The following RHOJ variants were observed in gnomAD, a reference collection of about 807,000 sequenced individuals.
RHOJ encodes rho-related GTP-binding protein RhoJ.
A neutral mutation model predicts 23.4 loss-of-function variants in RHOJ; 11 were observed. That is an observed-to-expected ratio of 0.47 (90% CI 0.30 to 0.78). RHOJ has a LOEUF of 0.78. RHOJ is among the 30% of genes least tolerant of loss of function. RHOJ has a pLI of 0.08. For synonymous variants in RHOJ, 102 were observed against 102.7 expected (o/e 0.99, Z 0.04); for missense variants, 254 against 273.4 (o/e 0.93, Z 0.50).
chr14:63,215,603 C>A (rs1033708139), intron 1 of RHOJ, among the ~76,000 whole-genome samples: 3 of 151,836 alleles, frequency 2.0e-5, no homozygotes, highest in Non-Finnish European at 4.4e-5. Context: ...ATTCCACAGA[C>A]AAGAAAACCG....
chr14:63,224,056 C>CA, intron 1 of RHOJ, among the ~76,000 whole-genome samples: 1 of 152,280 alleles, frequency 6.6e-6, no homozygotes, highest in Middle Eastern at 3.4e-3. Flanking sequence ...GCTAGCCAAA[C>CA]ACTCCCAAGA....
chr14:63,220,841 C>G (rs1261579574), intron 1 of RHOJ, among the ~76,000 whole-genome samples: 1 of 152,196 alleles, frequency 6.6e-6, no homozygotes, highest in African/African-American at 2.4e-5. Context: ...ACTCCTTCCT[C>G]CCTCATACAC....
At chr14:63,238,841 G>A (rs116074173) in intron 1 of RHOJ, among the ~76,000 whole-genome samples, 82 of 152,318 alleles carry the variant, frequency 5.4e-4, no homozygotes, top group African/African-American at 1.9e-3. Context: ...TATTCCTGGG[G>A]ATCCTGGAAG....
chr14:63,238,235 T>A (rs1894823535), intron 1 of RHOJ, among the ~76,000 whole-genome samples: 1 of 152,190 alleles, frequency 6.6e-6, no homozygotes, highest in Admixed American at 6.5e-5. Context: ...TGTTTGCTTG[T>A]TTATTTGTTT....
intron 1 of RHOJ, among the ~76,000 whole-genome samples, chr14:63,250,235 C>A (rs1895045588): frequency 6.6e-6 from 1 of 152,084 alleles, no homozygotes; most frequent in African/African-American, 2.4e-5. Context: ...ATTGACCTTT[C>A]TTTTTGTTTG....
intron 2 of RHOJ, among the ~76,000 whole-genome samples, chr14:63,279,344 T>C (rs1162907840): frequency 6.6e-6 from 1 of 152,222 alleles, no homozygotes; most frequent in African/African-American, 2.4e-5. Context: ...ACATACAAAT[T>C]ATGTATGGTG....
intron 2 of RHOJ, among the ~76,000 whole-genome samples, chr14:63,274,896 T>C (rs958367899): frequency 6.6e-6 from 1 of 152,208 alleles, no homozygotes; most frequent in Non-Finnish European, 1.5e-5. Flanking sequence ...AAAATGAGAC[T>C]TGTACCAAAA....
chr14:63,208,667 A>G (rs1894165971), intron 1 of RHOJ, among the ~76,000 whole-genome samples: 1 of 152,106 alleles, frequency 6.6e-6, no homozygotes, highest in African/African-American at 2.4e-5. Flanking sequence ...TGTCTTCCCA[A>G]CCACCAAATG....
intron 1 of RHOJ, among the ~76,000 whole-genome samples, chr14:63,233,418 T>G (rs746276765): frequency 4.5e-4 from 68 of 152,176 alleles, no homozygotes; most frequent in Non-Finnish European, 8.1e-4. Context: ...TTTAAATGGA[T>G]GAATTGTGTG....
chr14:63,235,496 C>A (rs1894773024), intron 1 of RHOJ, among the ~76,000 whole-genome samples: 1 of 152,074 alleles, frequency 6.6e-6, no homozygotes, highest in Non-Finnish European at 1.5e-5. Context: ...GTCACCATGT[C>A]TACAATTTAC....
At chr14:63,213,732 C>A (rs75006643) in intron 1 of RHOJ, among the ~76,000 whole-genome samples, 8,697 of 152,192 alleles carry the variant, frequency 0.057, 311 homozygotes, top group Non-Finnish European at 0.057. Context: ...TGAGATAGTT[C>A]TGTTCCATGT....
At chr14:63,244,888 CTGAT>C (rs750328293) in intron 1 of RHOJ, among the ~76,000 whole-genome samples, 25 of 152,222 alleles carry the variant, frequency 1.6e-4, no homozygotes, top group Non-Finnish European at 2.8e-4. Context: ...ATTCTTGTCT[CTGAT>C]TGTGTCCACT....
intron 1 of RHOJ, among the ~76,000 whole-genome samples, chr14:63,226,380 G>A (rs1894594342): frequency 6.6e-6 from 1 of 151,866 alleles, no homozygotes; most frequent in Non-Finnish European, 1.5e-5. Flanking sequence ...GAATTAGAAG[G>A]AAATATAAAG....
intron 4 of RHOJ, among the ~76,000 whole-genome samples, chr14:63,285,290 GGATAGAAAACT>G (rs1204093994): frequency 4.6e-5 from 7 of 152,266 alleles, no homozygotes; most frequent in Admixed American, 2.6e-4. Context: ...GGCAGAGTGA[GGATAGAAAACT>G]GTGCTTTAAC....
chr14:63,255,176 T>A (rs1895141448), intron 1 of RHOJ, among the ~76,000 whole-genome samples: 1 of 152,108 alleles, frequency 6.6e-6, no homozygotes, highest in Non-Finnish European at 1.5e-5. Context: ...GAGGTAACCA[T>A]CAGCCCTCTT....
chr14:63,209,369 A>G (rs2139725992), intron 1 of RHOJ, among the ~76,000 whole-genome samples: 1 of 152,184 alleles, frequency 6.6e-6, no homozygotes, highest in South Asian at 2.1e-4. Context: ...TCATCTCTTA[A>G]CACTCTCCTC....
Position 63,204,928 on chromosome 14 carries a change from A to G in RHOJ, c.59A>G (p.Lys20Arg). ...GGCTGCAGGGGCAACGACGAGAAGA[A>G]GATGTTGAAGTGTGTGGTGGTGGGG... ...SCGCRGNDEKKMLKCVVVGDG... is the reference protein window; with the variant it reads ...SCGCRGNDEKRMLKCVVVGDG... The change falls in exon 1 of 5, where the codon AAG becomes AGG. Residue 20 changes from lysine (K) to arginine (R), a missense_variant. Transcript: ENST00000316754. The G allele has an allele frequency of 6.2e-7, 1 of 1,614,158 alleles. No homozygotes were observed. Among genetic ancestry groups the G allele is most frequent in the Non-Finnish European group, 8.5e-7 (1 of 1,180,012 alleles).
chr14:63,244,029 G>A (rs898914697), intron 1 of RHOJ, among the ~76,000 whole-genome samples: 3 of 152,124 alleles, frequency 2.0e-5, no homozygotes, highest in Non-Finnish European at 2.9e-5. Flanking sequence ...TTCCTACTCA[G>A]AACATGTACG....
intron 1 of RHOJ, among the ~76,000 whole-genome samples, chr14:63,241,584 G>C (rs1894884536): frequency 6.6e-6 from 1 of 152,130 alleles, no homozygotes; most frequent in Non-Finnish European, 1.5e-5. Context: ...CTGCAGCCTT[G>C]CAGATGACAG....
Sources: gnomAD v4.1 joint callset for allele counts (sites outside exome capture counted in the v4.1 genomes callset) on GRCh38, gnomAD v4.1.1 for gene constraint, MANE v1.5 for transcripts, NCBI Gene and HGNC (gene_info 2026-07-23, HGNC 2026-07-21) for gene names.